Variants in VTN observed in about 807,000 individuals in gnomAD.
VTN encodes the protein complement S-protein.
VTN carries 45 observed loss-of-function variants against 55.9 expected under a neutral mutation model. The observed-to-expected ratio is 0.80, with a 90% CI of 0.63 to 1.03. The LOEUF is 1.03. Among genes scored for constraint, VTN ranks in the 50% least tolerant of loss-of-function variants. The pLI, the probability that VTN is intolerant of heterozygous loss-of-function variation, is 0.00. For missense variants in VTN, 589 were observed against 638.2 expected, an observed-to-expected ratio of 0.92 and a Z score of 0.83; for synonymous variants, 238 against 242.3, an observed-to-expected ratio of 0.98 and a Z score of 0.17.
At position 28,369,719 on chromosome 17, in the gene VTN, G is replaced by T; in HGVS notation, c.317C>A (p.Ser106Tyr). The change falls in exon 3 of 8, where the codon TCC becomes TAC. Residue 106 changes from serine (S) to tyrosine (Y), a missense_variant. Ser to Tyr is a moderately radical substitution (Grantham distance 144). Transcript: ENST00000226218. The surrounding 1 kb of genome is among the most constrained non-coding windows in gnomAD (Gnocchi z 5.3). ...PSLTSDLQAQSKGNPEQTPVL... is the reference protein window; with the variant it reads ...PSLTSDLQAQYKGNPEQTPVL... ...AGGTGTCTGCTCAGGATTCCCTTTG[G>T]ACTGGGCCTGGAGGTCAGAGGTCAG... is the stretch of plus-strand genomic sequence containing the variant. 6.2e-7 allele frequency: 1 copy of T among 1,613,888 alleles called. No individual in the cohort carries two copies. The highest frequency in any genetic ancestry group is 1.3e-5 in the African/African-American group (1 of 75,036).
At position 28,369,320 on chromosome 17, in the gene VTN, A is replaced by G; in HGVS notation, c.638T>C (p.Ile213Thr). The change falls in exon 4 of 8, where the codon ATC (isoleucine) becomes ACC (threonine). Residue 213 changes from isoleucine (I) to threonine (T), a missense_variant. Physicochemically the swap from Ile to Thr is moderately conservative, Grantham distance 89. Coordinates refer to ENST00000226218, the MANE Select transcript of VTN (RefSeq NM_000638.4). This position sits in a 1 kb window ranked among gnomAD's most constrained non-coding sequence, Gnocchi z 5.3. ...GAGGTAGGTCTTCCCCTGACAGTTG[A>G]TGCGGGTGAAGGCGGCATCGATGGG... Reference protein sequence around the residue: ...EGPIDAAFTRINCQGKTYLFK... With the variant: ...EGPIDAAFTRTNCQGKTYLFK... 6.2e-7 allele frequency: 1 copy of G among 1,603,898 alleles called. No homozygotes were observed.
chr17:28,368,014 A>G lies in VTN; in HGVS notation c.1025T>C (p.Val342Ala). ...PQFISRDWHG[V>A]PGQVDAAMAG... ...CATGGCTGCGTCCACTTGCCCTGGCACACCGTGCCAGTCCCGGCTAATGAA... is the reference window on the plus strand; with the variant it reads ...CATGGCTGCGTCCACTTGCCCTGGCGCACCGTGCCAGTCCCGGCTAATGAA... The change falls in exon 7 of 8, where the codon GTG becomes GCG. Residue 342 changes from valine (V) to alanine (A), a missense_variant. Physicochemically the swap from Val to Ala is moderately conservative, Grantham distance 64 (BLOSUM62 0). Around this residue, in one of 3 missense-constraint regions of VTN, gnomAD observed 334 missense variants for 328.2 expected, o/e 1.02. Coordinates refer to ENST00000226218, the MANE Select transcript of VTN (RefSeq NM_000638.4). 1.3e-6 allele frequency: 2 copies of G among 1,590,876 alleles called. No individual in the cohort carries two copies. Among genetic ancestry groups the G allele is most frequent in the Non-Finnish European group, 1.7e-6 (2 of 1,168,454 alleles).
In VTN at chr17:28,369,063, G is replaced by A. The variant is rs1271013401; in HGVS notation, c.670-35C>T. On this transcript the variant is annotated intron_variant, in intron 4 of 7. Transcript: ENST00000226218. This position sits in a 1 kb window ranked among gnomAD's most constrained non-coding sequence, Gnocchi z 5.3. ...GGGGAAAGTGAAAAGGGGTATGGAGGCCGCTGGCTGGGCACAGAGGCAGAG... is the reference window on the plus strand; with the variant it reads ...GGGGAAAGTGAAAAGGGGTATGGAGACCGCTGGCTGGGCACAGAGGCAGAG... 17 of 1,551,468 alleles carry A rather than the reference G, an allele frequency of 1.1e-5. No homozygotes were observed. Among genetic ancestry groups the A allele is most frequent in the Admixed American group, 4.4e-5 (2 of 45,490 alleles).
rs1555583299 is a variant in VTN, at chr17:28,367,959, TGCCATGCCTGA to T, written c.1069_1079del (p.Ser357ThrfsTer12). The stretch of plus-strand genomic sequence containing the variant: ...GTTTCTTGGCCAAGGAGGGGCGGGG[TGCCATGCCTGA>T]GATGTAGATGCGGCCAGCCATGGCT... On this transcript the variant is annotated frameshift_variant, in exon 7 of 8. Transcript: ENST00000226218. LOFTEE classifies it high-confidence loss of function. 2.5e-6 allele frequency: 4 copies of T among 1,595,800 alleles called. No individual in the cohort carries two copies. Among genetic ancestry groups the T allele is most frequent in the Non-Finnish European group, 3.4e-6 (4 of 1,171,518 alleles).
At chr17:28,368,745 G>A in intron 5 of VTN, 72 bp from the exon 6 acceptor site, 1 of 1,609,496 alleles carries the variant, frequency 6.2e-7, no homozygotes, top group South Asian at 1.1e-5. Context: ...GGCTGTTGAA[G>A]TTAGGATCTC....
rs375650391 is a variant in VTN, at chr17:28,368,858, C to T, written c.826+14G>A. The T allele has an allele frequency of 4.3e-6, 7 of 1,613,548 alleles. No individual in the cohort carries two copies. The East Asian group carries it at 1.6e-4, about 36-fold the overall frequency. On this transcript the variant is annotated intron_variant, in intron 5 of 7. Transcript: ENST00000226218. ...CTCCACTGCCTGCTCAGTCTCCCAC[C>T]ACCCCCTGAGTACCCTTGAAGAAGT...
chr17:28,368,038 A>T lies in VTN; in HGVS notation c.1001T>A (p.Phe334Tyr). The T allele has an allele frequency of 1.3e-6, 2 of 1,584,702 alleles. No homozygotes were observed. The highest frequency in any genetic ancestry group is 4.6e-5 in the East Asian group (2 of 43,520). ...CACACCGTGCCAGTCCCGGCTAATGAACTGGGGCTGTCTGGTACCAGCTGT... is the reference window on the plus strand; with the variant it reads ...CACACCGTGCCAGTCCCGGCTAATGTACTGGGGCTGTCTGGTACCAGCTGT... ...RTSAGTRQPQ[F>Y]ISRDWHGVPG... The change falls in exon 7 of 8, where the codon TTC (phenylalanine) becomes TAC (tyrosine). Residue 334 changes from phenylalanine (F) to tyrosine (Y), a missense_variant. Physicochemically the swap from Phe to Tyr is conservative, Grantham distance 22 (BLOSUM62 3). Coordinates refer to ENST00000226218, the MANE Select transcript of VTN (RefSeq NM_000638.4).
chr17:28,367,519 C>G (rs1318024207), intron 7 of VTN, 38 bp from the exon 8 acceptor site: 10 of 1,561,924 alleles, frequency 6.4e-6, no homozygotes, highest in Non-Finnish European at 8.8e-6. Flanking sequence ...TGAGGCCCAG[C>G]CTGGCCCTGC....
rs782048285 is a variant in VTN at position 28,367,814 on chromosome 17, C to T, written c.1225G>A (p.Glu409Lys). The T allele has an allele frequency of 6.2e-7, 1 of 1,614,200 alleles. No individual in the cohort carries two copies. The highest frequency in any genetic ancestry group is 1.1e-5 in the South Asian group (1 of 91,090). The change falls in exon 7 of 8, where the codon GAG becomes AAG. Residue 409 changes from glutamate (E) to lysine (K), a missense_variant. Glu to Lys is a moderately conservative substitution (Grantham distance 56). Around this residue, in one of 3 missense-constraint regions of VTN, gnomAD observed 334 missense variants for 328.2 expected, o/e 1.02. Coordinates refer to ENST00000226218, the MANE Select transcript of VTN (RefSeq NM_000638.4). ...ATWLSLFSSE[E>K]SNLGANNYDD... ...TAGTTGTTGGCTCCCAAGTTGCTCTCCTCACTGGAGAACAAGGACAGCCAC... is the reference window on the plus strand; with the variant it reads ...TAGTTGTTGGCTCCCAAGTTGCTCTTCTCACTGGAGAACAAGGACAGCCAC...
At position 28,369,290 on chromosome 17, in the gene VTN, T is replaced by C. The variant is rs782285241; in HGVS notation, c.668A>G (p.Lys223Arg). 4 of 1,584,584 alleles carry C rather than the reference T, an allele frequency of 2.5e-6. No homozygotes were observed. Among genetic ancestry groups the C allele is most frequent in the Non-Finnish European group, 3.4e-6 (4 of 1,160,678 alleles). The change falls in exon 4 of 8, where the codon AAG becomes AGG. Residue 223 changes from lysine to arginine, a missense_variant and splice_region_variant. This residue lies in a region of VTN where 38 missense variants were observed against 68.8 expected (regional missense o/e 0.55). Coordinates refer to ENST00000226218, the MANE Select transcript of VTN (RefSeq NM_000638.4). This position sits in a 1 kb window ranked among gnomAD's most constrained non-coding sequence, Gnocchi z 5.3. ...INCQGKTYLF[K>R]GSQYWRFEDG... Reference sequence around the variant, plus strand: ...ACCCTGGCCCACAGCCCCTGGCACCTTGAAGAGGTAGGTCTTCCCCTGACA... The same window carrying C: ...ACCCTGGCCCACAGCCCCTGGCACCCTGAAGAGGTAGGTCTTCCCCTGACA...
Position 28,368,631 on chromosome 17 carries a change from T to A in VTN, c.869A>T (p.Gln290Leu), listed in dbSNP as rs782319391. 6.2e-7 allele frequency: 1 copy of A among 1,613,852 alleles called. No homozygotes were observed. The highest frequency in any genetic ancestry group is 1.3e-5 in the African/African-American group (1 of 74,926). Residue 290 changes from glutamine to leucine, a missense_variant, in exon 6 of 8, where the codon CAG (glutamine) becomes CTG (leucine). By Grantham distance (113) the Gln-to-Leu change is moderately radical. Around this residue, in one of 3 missense-constraint regions of VTN, gnomAD observed 334 missense variants for 328.2 expected, o/e 1.02. Coordinates refer to ENST00000226218, the MANE Select transcript of VTN (RefSeq NM_000638.4). ...WEYQFQHQPS[Q>L]EECEGSSLSA... Reference sequence around the variant, plus strand: ...CAGGGAGCTGCCTTCACACTCCTCCTGACTGGGCTGGTGCTGGAACTGGTA... The same window carrying A: ...CAGGGAGCTGCCTTCACACTCCTCCAGACTGGGCTGGTGCTGGAACTGGTA...
Position 28,369,703 on chromosome 17 carries a change from C to T in VTN, c.333G>A (p.Glu111=). ...DLQAQSKGNP[E]QTPVLKPEEE... The stretch of plus-strand genomic sequence containing the variant: ...CCTCAGGTTTCAGAACAGGTGTCTG[C>T]TCAGGATTCCCTTTGGACTGGGCCT... Residue 111 remains glutamate (E), a synonymous_variant, in exon 3 of 8, where the codon GAG becomes GAA. Transcript: ENST00000226218. The surrounding 1 kb of genome is among the most constrained non-coding windows in gnomAD (Gnocchi z 5.3). 1.2e-6 allele frequency: 2 copies of T among 1,613,836 alleles called. No individual in the cohort carries two copies. The highest frequency in any genetic ancestry group is 1.1e-5 in the South Asian group (1 of 91,082).
rs1055796831 is a variant in VTN, at chr17:28,367,357, G to A, written c.*12C>T. 2.6e-6 allele frequency: 4 copies of A among 1,563,620 alleles called. No homozygotes were observed. Among genetic ancestry groups the A allele is most frequent in the Non-Finnish European group, 3.5e-6 (4 of 1,155,218 alleles). On this transcript the variant is annotated 3_prime_UTR_variant, in exon 8 of 8. Coordinates refer to ENST00000226218, the MANE Select transcript of VTN (RefSeq NM_000638.4). ...GGAGCTACAGAGGGCCCGGCCATGT[G>A]GGCTCTGACTCCTACAGATGGCCAG...
Position 28,369,097 on chromosome 17 carries a change from C to G in VTN, c.670-69G>C. ...TGGGCACAGAGGCAGAGTCCCTTGC[C>G]CTAAGGCAGCCGTTCCCAGGTCCAG... On this transcript the variant is annotated intron_variant, in intron 4 of 7. Transcript: ENST00000226218. This position sits in a 1 kb window ranked among gnomAD's most constrained non-coding sequence, Gnocchi z 5.3. The G allele has an allele frequency of 6.6e-7, 1 of 1,524,020 alleles. No homozygotes were observed. Among genetic ancestry groups the G allele is most frequent in the East Asian group, 2.3e-5 (1 of 44,142 alleles). The allele number at this position is 1,524,020 out of a possible 1,614,324, so 94.4% of individuals were successfully genotyped here.
Position 28,367,305 on chromosome 17 carries a change from T to C in VTN, c.*64A>G. The C allele has an allele frequency of 8.6e-7, 1 of 1,164,910 alleles. No individual in the cohort carries two copies. Among genetic ancestry groups the C allele is most frequent in the Non-Finnish European group, 1.2e-6 (1 of 818,648 alleles). 72.2% of individuals were successfully genotyped at this position (1,164,910 alleles called of 1,614,324 possible). A position where few individuals can be genotyped will look rare whatever the true frequency, so the allele number is the denominator to read the frequency against. ...AAACTCGGGGCTAAGGGACCTTTAT[T>C]GGGCTGGGGGAAGGAGATGGGAGGA... On this transcript the variant is annotated 3_prime_UTR_variant, in exon 8 of 8. Coordinates refer to ENST00000226218, the MANE Select transcript of VTN (RefSeq NM_000638.4).
rs577997982 is a variant in VTN, at chr17:28,368,868, G to A, written c.826+4C>T. The A allele has an allele frequency of 1.2e-6, 2 of 1,613,710 alleles. No homozygotes were observed. Among genetic ancestry groups the A allele is most frequent in the African/African-American group, 1.3e-5 (1 of 74,992 alleles). On this transcript the variant is annotated splice_donor_region_variant and intron_variant, in intron 5 of 7. Transcript: ENST00000226218. ...TGCTCAGTCTCCCACCACCCCCTGAGTACCCTTGAAGAAGTAGACCCGCTC... is the reference window on the plus strand; with the variant it reads ...TGCTCAGTCTCCCACCACCCCCTGAATACCCTTGAAGAAGTAGACCCGCTC...
At chr17:28,368,380 C>T in intron 6 of VTN, 141 bp downstream of exon 6, 1 of 1,239,786 alleles carries the variant, frequency 8.1e-7, no homozygotes, top group Admixed American at 2.2e-5. Flanking sequence ...AAAAGGTCAA[C>T]AGAAGCAAAG....
intron 7 of VTN, 77 bp downstream of exon 7, chr17:28,367,638 G>A: frequency 1.3e-6 from 2 of 1,495,126 alleles, no homozygotes; most frequent in South Asian, 2.3e-5. Flanking sequence ...CTTGCAGGCT[G>A]CGTTCAGCCC....
Position 28,367,304 on chromosome 17 carries a change from T to C in VTN, c.*65A>G, listed in dbSNP as rs935647881. On this transcript the variant is annotated 3_prime_UTR_variant, in exon 8 of 8. Transcript: ENST00000226218. Reference sequence around the variant, plus strand: ...TAAACTCGGGGCTAAGGGACCTTTATTGGGCTGGGGGAAGGAGATGGGAGG... The same window carrying C: ...TAAACTCGGGGCTAAGGGACCTTTACTGGGCTGGGGGAAGGAGATGGGAGG... The C allele has an allele frequency of 1.1e-5, 13 of 1,157,072 alleles. No individual in the cohort carries two copies. Among genetic ancestry groups the C allele is most frequent in the Admixed American group, 2.5e-5 (1 of 40,454 alleles). 71.7% of individuals were successfully genotyped at this position (1,157,072 alleles called of 1,614,324 possible).
Sources: allele counts gnomAD v4.1 joint callset, GRCh38; gene constraint gnomAD v4.1.1; regional missense constraint gnomAD v4.1.1; non-coding constraint Gnocchi (gnomAD v3.1); transcripts MANE v1.5; gene names NCBI Gene and HGNC (gene_info 2026-07-23, HGNC 2026-07-21).